The following HHIPL1 variants were observed in gnomAD, a reference collection of about 807,000 sequenced individuals.
HHIPL1 encodes HHIP-like protein 1.
In HHIPL1, 43 loss-of-function variants were observed where a neutral mutation model predicts 61.8. That is an observed-to-expected ratio of 0.70 (90% CI 0.55 to 0.90). The LOEUF (loss-of-function observed/expected upper bound fraction) is 0.90. Among genes scored for constraint, HHIPL1 ranks in the 40% least tolerant of loss-of-function variants. The pLI is 0.00. For missense variants in HHIPL1, 1,056 were observed against 1,157.7 expected (o/e 0.91, Z 1.28); for synonymous variants, 482 against 515.8 (o/e 0.93, Z 0.89).
At chr14:99,635,965 C>T in the HHIPL1 span, among the ~76,000 whole-genome samples, 4 of 152,168 alleles carry the variant, frequency 2.6e-5, no homozygotes, top group African/African-American at 9.7e-5. Flanking sequence ...CAGAGCACTG[C>T]CCTGGGAGTC....
chr14:99,627,389 CATCT>C, the HHIPL1 span, among the ~76,000 whole-genome samples: 3 of 152,188 alleles, frequency 2.0e-5, no homozygotes, highest in African/African-American at 7.2e-5. This position sits in a 1 kb window ranked among gnomAD's most constrained non-coding sequence, Gnocchi z 4.4. Flanking sequence ...ACCATCCATC[CATCT>C]GTCCATTCAT....
At chr14:99,631,243 T>C in the HHIPL1 span, among the ~76,000 whole-genome samples, 1 of 151,820 alleles carries the variant, frequency 6.6e-6, no homozygotes, top group African/African-American at 2.4e-5. Flanking sequence ...ATTACAGGCA[T>C]GTGCCACCAT....
chr14:99,651,601 C>T (rs1321417353), intron 1 of HHIPL1, among the ~76,000 whole-genome samples: 4 of 152,116 alleles, frequency 2.6e-5, no homozygotes, highest in Non-Finnish European at 5.9e-5. Context: ...CAGGCTCCTC[C>T]TCCAACACTG....
chr14:99,664,011 C>A (rs192198406), intron 6 of HHIPL1, among the ~76,000 whole-genome samples: 1 of 152,254 alleles, frequency 6.6e-6, no homozygotes, highest in African/African-American at 2.4e-5. Flanking sequence ...GCCTTCTTGC[C>A]GGTTAGTGGG....
In HHIPL1 at chr14:99,652,247, C is replaced by G; in HGVS notation, c.279C>G (p.His93Gln). Residue 93 changes from histidine (H) to glutamine (Q), a missense_variant, in exon 2 of 9, where the codon CAC (histidine) becomes CAG (glutamine). Transcript: ENST00000330710. ...AGGAATGCTCGCCGTATGCAGCCCA[C>G]CTCTATGACGCCGAGGACCCATTCA... ...LCQECSPYAA[H>Q]LYDAEDPFTP... 6.2e-7 allele frequency: 1 copy of G among 1,608,454 alleles called. No homozygotes were observed. Among genetic ancestry groups the G allele is most frequent in the Non-Finnish European group, 8.5e-7 (1 of 1,176,632 alleles).
At chr14:99,649,900 G>A (rs775175237) in intron 1 of HHIPL1, among the ~76,000 whole-genome samples, 54 of 152,352 alleles carry the variant, frequency 3.5e-4, no homozygotes, top group Non-Finnish European at 4.4e-4. Context: ...TGCAGCTGCC[G>A]GCTGACCCAC....
the HHIPL1 span, among the ~76,000 whole-genome samples, chr14:99,621,261 G>T: frequency 6.6e-6 from 1 of 152,230 alleles, no homozygotes; most frequent in East Asian, 1.9e-4. Flanking sequence ...ACCATGCCTG[G>T]CTAATTTTTG....
In HHIPL1 at chr14:99,672,410, G is replaced by A. The variant is rs2056335666; in HGVS notation, c.1813+11G>A. On this transcript the variant is annotated intron_variant, in intron 8 of 8. Transcript: ENST00000330710. ...TTGTGCCCAAAGAAAGTAAGTGCCTGCCAGTGGGACACTGAGGGTTGGGGG... is the reference window on the plus strand; with the variant it reads ...TTGTGCCCAAAGAAAGTAAGTGCCTACCAGTGGGACACTGAGGGTTGGGGG... The A allele has an allele frequency of 6.5e-7, 1 of 1,548,430 alleles. No homozygotes were observed. Among genetic ancestry groups the A allele is most frequent in the Admixed American group, 2.0e-5 (1 of 50,982 alleles).
At chr14:99,648,823 G>A (rs941678319) in intron 1 of HHIPL1, among the ~76,000 whole-genome samples, 2 of 152,230 alleles carry the variant, frequency 1.3e-5, no homozygotes, top group African/African-American at 4.8e-5. Context: ...ACAGGACACT[G>A]TGCAAAGGCT....
chr14:99,632,607 A>G, the HHIPL1 span, among the ~76,000 whole-genome samples: 3 of 151,952 alleles, frequency 2.0e-5, no homozygotes, highest in African/African-American at 4.8e-5. Flanking sequence ...GATCTCTATT[A>G]ATGCAGCCAG....
chr14:99,621,951 G>A, the HHIPL1 span, among the ~76,000 whole-genome samples: 64 of 152,090 alleles, frequency 4.2e-4, no homozygotes, highest in African/African-American at 1.4e-3. Flanking sequence ...TCCTGACCTC[G>A]TGATCCGCCC....
chr14:99,661,126 T>G (rs1365764734), intron 5 of HHIPL1, among the ~76,000 whole-genome samples: 1 of 38,574 alleles, frequency 2.6e-5, no homozygotes, highest in African/African-American at 7.8e-5. Context: ...AGGGTGCTTA[T>G]GGAGCCTCGT....
the HHIPL1 span, among the ~76,000 whole-genome samples, chr14:99,627,251 C>T: frequency 6.7e-6 from 1 of 149,336 alleles, no homozygotes; most frequent in African/African-American, 2.5e-5. This position sits in a 1 kb window ranked among gnomAD's most constrained non-coding sequence, Gnocchi z 4.4. Context: ...CACCCACCTA[C>T]CTACCCATTC....
chr14:99,632,097 A>T, the HHIPL1 span, among the ~76,000 whole-genome samples: 2 of 152,140 alleles, frequency 1.3e-5, no homozygotes, highest in East Asian at 3.9e-4. Context: ...AGCCTGACCT[A>T]TGTTTTAGGT....
At chr14:99,647,498 G>GT (rs1274905529) in intron 1 of HHIPL1, among the ~76,000 whole-genome samples, 2 of 152,222 alleles carry the variant, frequency 1.3e-5, no homozygotes. Context: ...CCCCTGGCAG[G>GT]TTTCTTGGGA....
At chr14:99,640,877 C>CCT (rs1406942441), upstream of HHIPL1, among the ~76,000 whole-genome samples, 1 of 69,856 alleles carries the variant, frequency 1.4e-5, no homozygotes, top group African/African-American at 5.7e-5. Context: ...ACTTCTTCTT[C>CCT]TTTTTTTTTT....
the HHIPL1 span, among the ~76,000 whole-genome samples, chr14:99,616,741 C>T: frequency 6.6e-6 from 1 of 151,960 alleles, no homozygotes; most frequent in Non-Finnish European, 1.5e-5. Context: ...TAAAATAAGC[C>T]TATTATTGGA....
chr14:99,671,917 G>C (rs539222869), intron 7 of HHIPL1, among the ~76,000 whole-genome samples: 38 of 152,344 alleles, frequency 2.5e-4, no homozygotes, highest in Non-Finnish European at 5.0e-4. Context: ...AGGCTGTAGG[G>C]CTGGTGGGAG....
chr14:99,669,208 A>T, intron 7 of HHIPL1: 1 of 1,223,538 alleles, frequency 8.2e-7, no homozygotes, highest in South Asian at 2.9e-5. Flanking sequence ...GAGGCCGCCC[A>T]GGTGCTGGGA....
Sources: gnomAD v4.1 joint callset for allele counts (sites outside exome capture counted in the v4.1 genomes callset) on GRCh38, gnomAD v4.1.1 for gene constraint, Gnocchi (gnomAD v3.1) non-coding constraint, MANE v1.5 for transcripts, NCBI Gene and HGNC (gene_info 2026-07-23, HGNC 2026-07-21) for gene names.